The following FCF1 variants were observed in gnomAD, a reference collection of about 807,000 sequenced individuals.
FCF1 encodes FCF1 rRNA-processing protein.
A neutral mutation model predicts 32.5 loss-of-function variants in FCF1; 17 were observed. That is an observed-to-expected ratio of 0.52 (90% confidence interval 0.36 to 0.78). The LOEUF is 0.78. FCF1 is among the 30% of genes least tolerant of loss of function. The pLI is 0.00. For synonymous variants in FCF1, 84 were observed against 78.4 expected (o/e 1.07, Z -0.38); for missense variants, 201 against 241.1 (o/e 0.83, Z 1.10).
At chr14:74,725,560 G>A (rs1194720248) in intron 5 of FCF1, among the ~76,000 whole-genome samples, 1 of 151,794 alleles carries the variant, frequency 6.6e-6, no homozygotes, top group Non-Finnish European at 1.5e-5. Flanking sequence ...AGGCCAAGTG[G>A]GGAGGATCGC....
At chr14:74,715,305 A>ATGACCTTTATATAAAGATATAAAGG (rs2090403765) in intron 3 of FCF1, among the ~76,000 whole-genome samples, 13 of 152,006 alleles carry the variant, frequency 8.6e-5, no homozygotes, top group Non-Finnish European at 1.9e-4. Context: ...TTATATAAAG[A>ATGACCTTTATATAAAGATATAAAGG]TATGACCTTT....
chr14:74,720,528 CT>C, intron 4 of FCF1, among the ~76,000 whole-genome samples: 1 of 152,266 alleles, frequency 6.6e-6, no homozygotes, highest in South Asian at 2.1e-4. Context: ...TACTTCATTT[CT>C]TTTTATTACT....
intron 5 of FCF1, among the ~76,000 whole-genome samples, chr14:74,725,241 A>G (rs1312878289): frequency 6.6e-6 from 1 of 151,954 alleles, no homozygotes; most frequent in Non-Finnish European, 1.5e-5. Context: ...CTGTAATCCC[A>G]GAACTTTGGG....
intron 5 of FCF1, among the ~76,000 whole-genome samples, chr14:74,732,362 T>C (rs947931288): frequency 1.1e-4 from 16 of 152,216 alleles, no homozygotes; most frequent in African/African-American, 3.6e-4. Context: ...GCCTATATTC[T>C]TGTTCATTGT....
rs1281972837 is a variant in FCF1, at chr14:74,737,835, AC to A, written c.*2906del. The A allele has an allele frequency of 2.0e-5, 3 of 152,050 alleles. No individual in the cohort carries two copies. Among genetic ancestry groups the A allele is most frequent in the Non-Finnish European group, 4.4e-5 (3 of 68,028 alleles). The allele number at this position is 152,050 out of a possible 1,614,324, so 9.4% of individuals were successfully genotyped here. A position where few individuals can be genotyped will look rare whatever the true frequency, so the allele number is the denominator to read the frequency against. ...CCATCTCTACTAAAAATACAAAAAA[AC>A]AATTAGGCAGGCATGGTGGCAAATG... is the stretch of plus-strand genomic sequence containing the variant. On this transcript the variant is annotated 3_prime_UTR_variant, in exon 8 of 8. Coordinates refer to ENST00000341162, the MANE Select transcript of FCF1 (RefSeq NM_015962.5).
At chr14:74,719,151 AAG>A (rs1245372721) in intron 4 of FCF1, among the ~76,000 whole-genome samples, 3 of 150,140 alleles carry the variant, frequency 2.0e-5, no homozygotes, top group Non-Finnish European at 4.4e-5. Flanking sequence ...AAAAAAAAAA[AAG>A]CATGCATCGT....
chr14:74,717,503 A>C (rs112309178), intron 4 of FCF1, among the ~76,000 whole-genome samples: 3,261 of 152,318 alleles, frequency 0.021, 67 homozygotes, highest in Non-Finnish European at 0.03. Context: ...TCAGGGGACC[A>C]TTGTTTTTTC....
intron 4 of FCF1, among the ~76,000 whole-genome samples, chr14:74,717,171 C>A (rs1019843899): frequency 4.2e-5 from 6 of 143,058 alleles, no homozygotes; most frequent in African/African-American, 7.8e-5. Flanking sequence ...TTCTGGCCAA[C>A]AAGGTGAAAC....
chr14:74,716,170 G>A, intron 4 of FCF1, 71 bp downstream of exon 4: 2 of 1,437,072 alleles, frequency 1.4e-6, no homozygotes, highest in African/African-American at 1.4e-5. Context: ...TACATGAAAG[G>A]AGGGAGATGG....
rs901416891 is a variant in FCF1 at position 74,727,689 on chromosome 14, A to C, written c.365+4345A>C. Among the ~76,000 whole-genome samples, 9 of 152,258 alleles carry C rather than the reference A, an allele frequency of 5.9e-5. No homozygotes were observed. In the East Asian group the frequency reaches 1.7e-3, roughly 29 times the overall value. Reference sequence around the variant, plus strand: ...AGACATGAAGTCCTTGCCCATGCCTATGTCCTGAATGGTAAAGCCTAGGTT... The same window carrying C: ...AGACATGAAGTCCTTGCCCATGCCTCTGTCCTGAATGGTAAAGCCTAGGTT... On this transcript the variant is annotated intron_variant, in intron 5 of 7. Coordinates refer to ENST00000341162, the MANE Select transcript of FCF1 (RefSeq NM_015962.5).
In FCF1 at chr14:74,734,873, C is replaced by T; in HGVS notation, c.549-9C>T. 1 of 1,612,416 alleles carries T rather than the reference C, an allele frequency of 6.2e-7. No individual in the cohort carries two copies. ...TTTCTTACCGGTGTTGATTTTTTGTCCTGATCAGATACAACATTGAACGGA... is the reference window on the plus strand; with the variant it reads ...TTTCTTACCGGTGTTGATTTTTTGTTCTGATCAGATACAACATTGAACGGA... On this transcript the variant is annotated splice_polypyrimidine_tract_variant and intron_variant, in intron 7 of 7. Transcript: ENST00000341162.
chr14:74,734,418 A>G (rs2090679247), intron 7 of FCF1, among the ~76,000 whole-genome samples: 1 of 152,220 alleles, frequency 6.6e-6, no homozygotes, highest in Non-Finnish European at 1.5e-5. Context: ...TGTTTTAAAT[A>G]AAAGCAGTAA....
chr14:74,720,213 T>C (rs1415371689), intron 4 of FCF1, among the ~76,000 whole-genome samples: 1 of 152,234 alleles, frequency 6.6e-6, no homozygotes, highest in African/African-American at 2.4e-5. Flanking sequence ...CCTTTACAAC[T>C]ATACAATTCA....
rs553546494 is a variant in FCF1, at chr14:74,723,014, A to T, written c.293-258A>T. Among the ~76,000 whole-genome samples the T allele has an allele frequency of 2.0e-5, 3 of 152,312 alleles. No homozygotes were observed. In the East Asian group the frequency reaches 5.8e-4, roughly 29 times the overall value. ...TTTCCCATCAGGAACTTACATTAAT[A>T]TAAAAATAATGACAGAGTTCAGCTT... is the stretch of plus-strand genomic sequence containing the variant. On this transcript the variant is annotated intron_variant, in intron 4 of 7. Transcript: ENST00000341162.
intron 4 of FCF1, among the ~76,000 whole-genome samples, chr14:74,718,317 T>G (rs2090449750): frequency 6.6e-6 from 1 of 152,218 alleles, no homozygotes; most frequent in Non-Finnish European, 1.5e-5. Flanking sequence ...CTCTTCTGCC[T>G]ATGAATCCTG....
intron 4 of FCF1, among the ~76,000 whole-genome samples, chr14:74,717,322 C>T (rs138107528): frequency 6.6e-6 from 1 of 151,476 alleles, no homozygotes; most frequent in African/African-American, 2.4e-5. Context: ...TGCCACTGCA[C>T]TCCAGCCTGG....
In FCF1 at chr14:74,713,181, A is replaced by C; in HGVS notation, c.-17A>C. 1 of 1,614,234 alleles carries C rather than the reference A, an allele frequency of 6.2e-7. No homozygotes were observed. Among genetic ancestry groups the C allele is most frequent in the Non-Finnish European group, 8.5e-7 (1 of 1,180,050 alleles). On this transcript the variant is annotated 5_prime_UTR_variant, in exon 1 of 8. Coordinates refer to ENST00000341162, the MANE Select transcript of FCF1 (RefSeq NM_015962.5). ...CGCCGTTGGTGATTACGGAAGAACC[A>C]GGAGTTTGGCGTGACCATGGTGAGA...
In FCF1 at chr14:74,713,195, A is replaced by C; in HGVS notation, c.-3A>C. 1 of 1,614,202 alleles carries C rather than the reference A, an allele frequency of 6.2e-7. No individual in the cohort carries two copies. Among genetic ancestry groups the C allele is most frequent in the Admixed American group, 1.7e-5 (1 of 60,028 alleles). ...ACGGAAGAACCAGGAGTTTGGCGTG[A>C]CCATGGTGAGAGAAGACGGTCCAAG... On this transcript the variant is annotated 5_prime_UTR_variant, in exon 1 of 8. Coordinates refer to ENST00000341162, the MANE Select transcript of FCF1 (RefSeq NM_015962.5).
chr14:74,716,419 G>A (rs1274535397), intron 4 of FCF1, among the ~76,000 whole-genome samples: 5 of 152,068 alleles, frequency 3.3e-5, no homozygotes, highest in Admixed American at 3.3e-4. Flanking sequence ...CTATTTTTCA[G>A]TATCTATATT....
Sources: allele counts gnomAD v4.1 joint callset (sites outside exome capture counted in the v4.1 genomes callset), GRCh38; gene constraint gnomAD v4.1.1; transcripts MANE v1.5; gene names NCBI Gene and HGNC (gene_info 2026-07-23, HGNC 2026-07-21).